The following TTI1 variants were observed in gnomAD, a reference collection of about 807,000 sequenced individuals.
TTI1 encodes the protein TELO2-interacting protein 1 homolog.
TTI1 carries 52 observed loss-of-function variants against 85.4 expected under a neutral mutation model. The observed-to-expected ratio is 0.61, with a 90% confidence interval of 0.49 to 0.77. The LOEUF is 0.77. Ranked by LOEUF, TTI1 falls within the 30% of genes least tolerant of loss-of-function variation. The probability of loss-of-function intolerance (pLI) is 0.00; values close to 1 mark genes in which losing one functional copy is unlikely to be tolerated. For missense variants in TTI1, 1,173 were observed against 1,296.0 expected (o/e 0.91, Z 1.46); for synonymous variants, 512 against 503.9 (o/e 1.02, Z -0.22).
chr20:38,012,846 G>C lies in TTI1; in HGVS notation c.971C>G (p.Ser324Ter), dbSNP rs764511653. The C allele has an allele frequency of 6.2e-7, 1 of 1,614,064 alleles. No individual in the cohort carries two copies. The highest frequency in any genetic ancestry group is 1.3e-5 in the African/African-American group (1 of 74,932). ...VEDLLLKCSQ[S>*]LVECAGPLLK... ...AAGGGGACCAGCACATTCGACCAAT[G>C]ATTGACTGCACTTCAAAAGAAGGTC... The change falls in exon 2 of 8, where the codon TCA becomes TGA. Residue 324 changes from serine to a stop codon, truncating the protein, a stop_gained. Coordinates refer to ENST00000373447, the MANE Select transcript of TTI1 (RefSeq NM_001303457.2). LOFTEE classifies it high-confidence loss of function.
At position 38,012,761 on chromosome 20, in the gene TTI1, A is replaced by G; in HGVS notation, c.1056T>C (p.Asn352=). The change falls in exon 2 of 8, where the codon AAT becomes AAC. Residue 352 remains asparagine (N), a synonymous_variant. Transcript: ENST00000373447. ...GATCTGCAAAATGTCTCAGAACTTT[A>G]TTGCACTGGGCTTGGATTTCAGGAC... The part of the protein sequence containing the change: ...DESPEIQAQC[N]KVLRHFADQK... The G allele has an allele frequency of 6.2e-7, 1 of 1,614,114 alleles. No individual in the cohort carries two copies. The highest frequency in any genetic ancestry group is 2.2e-5 in the East Asian group (1 of 44,886).
chr20:38,015,867 G>C (rs1483164188), intron 1 of TTI1, among the ~76,000 whole-genome samples: 1 of 152,164 alleles, frequency 6.6e-6, no homozygotes, highest in Non-Finnish European at 1.5e-5. Context: ...AGATCTGGAA[G>C]AACCAGCATG....
At chr20:37,986,138 T>C (rs2073187288) in intron 7 of TTI1, among the ~76,000 whole-genome samples, 1 of 152,146 alleles carries the variant, frequency 6.6e-6, no homozygotes, top group Non-Finnish European at 1.5e-5. Flanking sequence ...AGAATGCAAA[T>C]GGTTTCATTT....
At chr20:38,027,698 G>A (rs566756989) in intron 1 of TTI1, among the ~76,000 whole-genome samples, 1 of 152,326 alleles carries the variant, frequency 6.6e-6, no homozygotes, top group Non-Finnish European at 1.5e-5. Flanking sequence ...GCTGAGGTGG[G>A]TGGATCACCC....
At chr20:37,995,155 G>A (rs536928908) in intron 7 of TTI1, among the ~76,000 whole-genome samples, 1 of 152,294 alleles carries the variant, frequency 6.6e-6, no homozygotes, top group East Asian at 1.9e-4. Flanking sequence ...AAAATGCCTG[G>A]GGACAGAAGC....
chr20:38,014,400 T>G (rs2073651068), intron 1 of TTI1, among the ~76,000 whole-genome samples: 1 of 152,192 alleles, frequency 6.6e-6, no homozygotes. Flanking sequence ...TGCAATTGAT[T>G]CCTATTTCAC....
intron 2 of TTI1, among the ~76,000 whole-genome samples, chr20:38,009,423 C>T (rs2073548819): frequency 6.6e-6 from 1 of 152,152 alleles, no homozygotes; most frequent in Admixed American, 6.5e-5. Context: ...CTTCATCTTG[C>T]AACACTCTCT....
chr20:38,029,210 C>A (rs1385336441), intron 1 of TTI1, among the ~76,000 whole-genome samples: 1 of 151,320 alleles, frequency 6.6e-6, no homozygotes, highest in Non-Finnish European at 1.5e-5. Flanking sequence ...AAATAATCCA[C>A]GGAACAGAGA....
rs748871538 is a variant in TTI1, at chr20:38,011,822, T to C, written c.1995A>G (p.Leu665=). The C allele has an allele frequency of 3.1e-6, 5 of 1,614,100 alleles. No individual in the cohort carries two copies. The highest frequency in any genetic ancestry group is 4.2e-6 in the Non-Finnish European group (5 of 1,180,018). ...PVLEKAGDQT[L]LISQVATSTM... is the part of the protein sequence containing the mutation. ...TGCTGGTAGCCACCTGACTAATGAG[T>C]AGGGTTTGGTCTCCAGCCTTCTCCA... Residue 665 remains leucine, a synonymous_variant, in exon 2 of 8, where the codon CTA becomes CTG. Coordinates refer to ENST00000373447, the MANE Select transcript of TTI1 (RefSeq NM_001303457.2).
chr20:38,032,735 C>T (rs1450801095), intron 1 of TTI1, among the ~76,000 whole-genome samples: 1 of 152,142 alleles, frequency 6.6e-6, no homozygotes, highest in East Asian at 1.9e-4. Context: ...CCATGCCTGG[C>T]TAATTTTCGC....
intron 3 of TTI1, among the ~76,000 whole-genome samples, chr20:38,003,185 A>C (rs2073450140): frequency 6.6e-6 from 1 of 152,176 alleles, no homozygotes; most frequent in South Asian, 2.1e-4. Flanking sequence ...CTGGTCTCCA[A>C]TTCCTGGGCT....
At chr20:38,025,527 G>C (rs1205444324) in intron 1 of TTI1, among the ~76,000 whole-genome samples, 4 of 151,274 alleles carry the variant, frequency 2.6e-5, no homozygotes, top group Admixed American at 6.6e-5. Context: ...AGAGATTGTG[G>C]CATGGCACTC....
At chr20:37,993,315 T>A (rs896514810) in intron 7 of TTI1, among the ~76,000 whole-genome samples, 1 of 151,300 alleles carries the variant, frequency 6.6e-6, no homozygotes, top group African/African-American at 2.4e-5. Context: ...ATTTACAACC[T>A]CGGTTACATC....
At chr20:38,013,950 G>T (rs1050981890) in intron 1 of TTI1, 93 bp from the exon 2 acceptor site, 18 of 1,352,562 alleles carry the variant, frequency 1.3e-5, no homozygotes, top group Admixed American at 2.6e-5. Flanking sequence ...TTTACCTGGG[G>T]TCTATGTGCC....
intron 1 of TTI1, among the ~76,000 whole-genome samples, chr20:38,014,905 A>G (rs548397479): frequency 3.3e-5 from 5 of 152,352 alleles, no homozygotes; most frequent in Admixed American, 1.3e-4. Flanking sequence ...AAGACTTACA[A>G]AAGTGTGGCC....
intron 2 of TTI1, among the ~76,000 whole-genome samples, chr20:38,008,774 C>A (rs2073537793): frequency 6.6e-6 from 1 of 152,184 alleles, no homozygotes; most frequent in Non-Finnish European, 1.5e-5. Context: ...GAAATGACAG[C>A]AAAAGGTACT....
rs769268901 is a variant in TTI1 at position 38,013,566 on chromosome 20, G to A, written c.251C>T (p.Ser84Leu). ...VVECLTFVLSSTCVKEQELLQ... is the reference protein window; with the variant it reads ...VVECLTFVLSLTCVKEQELLQ... ...AAGCTCCTGTTCTTTCACACATGTTGAAGAAAGGACAAATGTGAGGCATTC... is the reference window on the plus strand; with the variant it reads ...AAGCTCCTGTTCTTTCACACATGTTAAAGAAAGGACAAATGTGAGGCATTC... The change falls in exon 2 of 8, where the codon TCA becomes TTA. Residue 84 changes from serine to leucine, a missense_variant. Transcript: ENST00000373447. The A allele has an allele frequency of 2.5e-6, 4 of 1,614,214 alleles. No homozygotes were observed. Among genetic ancestry groups the A allele is most frequent in the Non-Finnish European group, 3.4e-6 (4 of 1,180,030 alleles).
chr20:38,026,401 C>T (rs150301618), intron 1 of TTI1, among the ~76,000 whole-genome samples: 4,583 of 152,214 alleles, frequency 0.03, 211 homozygotes, highest in African/African-American at 0.1. Flanking sequence ...TCAAGTGATC[C>T]ACCCACCTTA....
chr20:38,031,168 C>A (rs1468598003), intron 1 of TTI1, among the ~76,000 whole-genome samples: 1 of 152,198 alleles, frequency 6.6e-6, no homozygotes, highest in Non-Finnish European at 1.5e-5. Flanking sequence ...CCTTTGCACT[C>A]TTACTGTCTT....
Sources: allele counts gnomAD v4.1 joint callset (sites outside exome capture counted in the v4.1 genomes callset), GRCh38; gene constraint gnomAD v4.1.1; transcripts MANE v1.5; gene names NCBI Gene and HGNC (gene_info 2026-07-23, HGNC 2026-07-21).